STARD13: variants seen among roughly 807,000 people sequenced by gnomAD.
The protein encoded by STARD13 is stAR-related lipid transfer protein 13.
A neutral mutation model predicts 106.4 loss-of-function variants in STARD13; 62 were observed. That is an observed-to-expected ratio of 0.58 (90% confidence interval 0.48 to 0.72). The LOEUF (loss-of-function observed/expected upper bound fraction) is 0.72. Among genes scored for constraint, STARD13 ranks in the 30% least tolerant of loss-of-function variants. The pLI, the probability that STARD13 is intolerant of heterozygous loss-of-function variation, is 0.00. For missense variants in STARD13, 1,387 were observed against 1,424.0 expected (o/e 0.97, Z 0.42); for synonymous variants, 565 against 553.0 (o/e 1.02, Z -0.31).
chr13:33,409,532 A>G, the STARD13 span, among the ~76,000 whole-genome samples: 2 of 152,226 alleles, frequency 1.3e-5, no homozygotes, highest in African/African-American at 4.8e-5. Flanking sequence ...ATCATGCATC[A>G]TAACGTTCTT....
chr13:33,471,069 A>G, the STARD13 span, among the ~76,000 whole-genome samples: 5 of 152,210 alleles, frequency 3.3e-5, no homozygotes, highest in Non-Finnish European at 7.3e-5. Flanking sequence ...CTTACATTTA[A>G]GTCTTTAATC....
the STARD13 span, among the ~76,000 whole-genome samples, chr13:33,509,530 T>C: frequency 6.6e-6 from 1 of 152,216 alleles, no homozygotes; most frequent in East Asian, 1.9e-4. Context: ...GGGGTGAGGA[T>C]CTGTGTGATT....
chr13:33,212,624 C>T (rs1241386622), intron 1 of STARD13, among the ~76,000 whole-genome samples: 2 of 152,132 alleles, frequency 1.3e-5, no homozygotes, highest in Admixed American at 6.6e-5. Flanking sequence ...ATTTTCAAGT[C>T]GCAACTTGAG....
At chr13:33,311,152 T>C (rs565946847) in intron 1 of STARD13, among the ~76,000 whole-genome samples, 3 of 145,288 alleles carry the variant, frequency 2.1e-5, no homozygotes, top group Non-Finnish European at 4.5e-5. Flanking sequence ...AAAAAAATAG[T>C]TGGGTGTGGT....
the STARD13 span, among the ~76,000 whole-genome samples, chr13:33,380,087 T>C: frequency 2.6e-5 from 4 of 152,130 alleles, no homozygotes. Flanking sequence ...ACTTATTTAT[T>C]TTACTTAAAA....
chr13:33,475,870 T>C, the STARD13 span, among the ~76,000 whole-genome samples: 1 of 151,586 alleles, frequency 6.6e-6, no homozygotes, highest in African/African-American at 2.4e-5. Flanking sequence ...GGCAGGAAAA[T>C]CACTTGAACC....
At chr13:33,292,089 A>T (rs1892314901) in intron 1 of STARD13, among the ~76,000 whole-genome samples, 1 of 152,172 alleles carries the variant, frequency 6.6e-6, no homozygotes, top group Admixed American at 6.5e-5. Context: ...GGGGAAAGGT[A>T]AAGTAAGGGC....
At chr13:33,430,004 G>C in the STARD13 span, among the ~76,000 whole-genome samples, 47 of 150,832 alleles carry the variant, frequency 3.1e-4, no homozygotes, top group East Asian at 8.8e-3. Flanking sequence ...TGCAAGCTCC[G>C]CCTCCCAGGT....
chr13:33,273,852 T>C (rs1277823492), intron 1 of STARD13: 1 of 152,222 alleles, frequency 6.6e-6, no homozygotes, highest in Non-Finnish European at 1.5e-5. Context: ...AAAGTTAACC[T>C]CAGTTTAGAA....
the STARD13 span, among the ~76,000 whole-genome samples, chr13:33,568,442 G>A: frequency 6.8e-6 from 1 of 147,998 alleles, no homozygotes; most frequent in Non-Finnish European, 1.5e-5. Flanking sequence ...AATGCTGGAA[G>A]GAAGAGCTCT....
chr13:33,180,216 C>T (rs1829704048), intron 1 of STARD13, among the ~76,000 whole-genome samples: 1 of 152,174 alleles, frequency 6.6e-6, no homozygotes, highest in South Asian at 2.1e-4. Flanking sequence ...TGGACACATT[C>T]AGAAATATGA....
chr13:33,646,448 A>C, the STARD13 span, among the ~76,000 whole-genome samples: 5 of 152,226 alleles, frequency 3.3e-5, no homozygotes, highest in Non-Finnish European at 7.3e-5. Flanking sequence ...GAGGAATACA[A>C]GGACTCTGGG....
the STARD13 span, among the ~76,000 whole-genome samples, chr13:33,557,784 G>C: frequency 6.6e-6 from 1 of 152,190 alleles, no homozygotes; most frequent in African/African-American, 2.4e-5. Context: ...TCCTTGCTAA[G>C]AGAAAGGAGT....
chr13:33,559,642 T>C, the STARD13 span, among the ~76,000 whole-genome samples: 3 of 151,460 alleles, frequency 2.0e-5, no homozygotes, highest in East Asian at 3.9e-4. Flanking sequence ...GATCACAAGG[T>C]CAGGAGTTCA....
Position 33,118,118 on chromosome 13 carries a change from G to C in STARD13, c.2228C>G (p.Pro743Arg). The C allele has an allele frequency of 6.2e-7, 1 of 1,614,222 alleles. No individual in the cohort carries two copies. The highest frequency in any genetic ancestry group is 8.5e-7 in the Non-Finnish European group (1 of 1,180,046). ...GAGCTTGTTGGTGAAAAGAGGCTCAGGGAGGTCCCGGAAGAACTGTTTCAC... is the reference window on the plus strand; with the variant it reads ...GAGCTTGTTGGTGAAAAGAGGCTCACGGAGGTCCCGGAAGAACTGTTTCAC... ...DMVKQFFRDL[P>R]EPLFTNKLSE... is the part of the protein sequence containing the mutation. The change falls in exon 8 of 14, where the codon CCT becomes CGT. Residue 743 changes from proline to arginine, a missense_variant. Pro to Arg is a moderately radical substitution (Grantham distance 103). Transcript: ENST00000336934.
At chr13:33,387,463 C>A in the STARD13 span, among the ~76,000 whole-genome samples, 3 of 152,140 alleles carry the variant, frequency 2.0e-5, no homozygotes, top group African/African-American at 7.2e-5. Context: ...AAACAAAAAA[C>A]CGTGGTGACT....
intron 4 of STARD13, among the ~76,000 whole-genome samples, chr13:33,141,135 A>G (rs2764611): frequency 0.81 from 123,508 of 152,196 alleles, 50,384 homozygotes; most frequent in African/African-American, 0.89. Context: ...GCTACGTAGT[A>G]GAGATGTTAA....
intron 1 of STARD13, among the ~76,000 whole-genome samples, chr13:33,278,018 G>T (rs1220857995): frequency 6.6e-6 from 1 of 152,140 alleles, no homozygotes; most frequent in African/African-American, 2.4e-5. Context: ...ATCTATGCAA[G>T]AAGTATATTC....
chr13:33,350,471 G>T, exon 1 of STARD13: 1 of 1,493,946 alleles, frequency 6.7e-7, no homozygotes. Flanking sequence ...CGCGTGGCCC[G>T]CGACTCAGAC....
Sources: gnomAD v4.1 joint callset for allele counts (sites outside exome capture counted in the v4.1 genomes callset) on GRCh38, gnomAD v4.1.1 for gene constraint, MANE v1.5 for transcripts, NCBI Gene and HGNC (gene_info 2026-07-23, HGNC 2026-07-21) for gene names.